TNFSF4: variants seen among roughly 807,000 people sequenced by gnomAD.
The protein encoded by TNFSF4 is tumor necrosis factor ligand superfamily member 4.
A neutral mutation model predicts 7.3 loss-of-function variants in TNFSF4; 4 were observed. The ratio of observed to expected loss-of-function variants is 0.55; its 90% CI spans 0.27 to 1.25. TNFSF4 has a LOEUF of 1.25. TNFSF4 is among the 50% of genes most tolerant of loss of function. The pLI is 0.12. For missense variants in TNFSF4, 181 were observed against 208.8 expected (o/e 0.87, Z 0.82); for synonymous variants, 76 against 83.7 (o/e 0.91, Z 0.50).
At chr1:173,219,148 T>A in the TNFSF4 span, among the ~76,000 whole-genome samples, 2 of 152,334 alleles carry the variant, frequency 1.3e-5, no homozygotes, top group South Asian at 2.1e-4. Context: ...TGATACAGCA[T>A]CTCCTTGCTA....
chr1:173,336,636 C>G, the TNFSF4 span, among the ~76,000 whole-genome samples: 1 of 152,176 alleles, frequency 6.6e-6, no homozygotes, highest in Non-Finnish European at 1.5e-5. Context: ...GATTGCTTTT[C>G]CCTTCCACAG....
chr1:173,295,128 C>T, the TNFSF4 span, among the ~76,000 whole-genome samples: 149,788 of 152,068 alleles, frequency 0.99, 73,792 homozygotes, highest in East Asian at 1. Context: ...AACTCTCATA[C>T]ACTGCTGGTG....
the TNFSF4 span, among the ~76,000 whole-genome samples, chr1:173,334,685 C>T: frequency 6.6e-6 from 1 of 152,106 alleles, no homozygotes; most frequent in Non-Finnish European, 1.5e-5. Context: ...GGACACTAGG[C>T]CCCTAAACTG....
At chr1:173,356,306 C>T in the TNFSF4 span, among the ~76,000 whole-genome samples, 1 of 152,074 alleles carries the variant, frequency 6.6e-6, no homozygotes, top group Non-Finnish European at 1.5e-5. Flanking sequence ...CTCAAAATTC[C>T]ATTTTGATGA....
the TNFSF4 span, among the ~76,000 whole-genome samples, chr1:173,410,193 G>A: frequency 6.6e-6 from 1 of 152,060 alleles, no homozygotes; most frequent in Non-Finnish European, 1.5e-5. Flanking sequence ...TCCAGCCTGG[G>A]TGACAGAGTG....
chr1:173,225,260 C>A, the TNFSF4 span, among the ~76,000 whole-genome samples: 7 of 152,204 alleles, frequency 4.6e-5, no homozygotes, highest in Non-Finnish European at 8.8e-5. Flanking sequence ...GTCACACTTT[C>A]TCACTCATCC....
the TNFSF4 span, among the ~76,000 whole-genome samples, chr1:173,339,763 C>T: frequency 2.6e-5 from 4 of 152,200 alleles, no homozygotes; most frequent in African/African-American, 9.6e-5. Flanking sequence ...TTTTGTTGTA[C>T]ATAGGATAGT....
the TNFSF4 span, among the ~76,000 whole-genome samples, chr1:173,377,150 G>A: frequency 0.1 from 15,743 of 152,160 alleles, 1,301 homozygotes; most frequent in South Asian, 0.24. Flanking sequence ...AGAACCCACC[G>A]GAAGGAACCA....
chr1:173,210,999 G>A (rs1235440706), upstream of TNFSF4, among the ~76,000 whole-genome samples: 3 of 152,182 alleles, frequency 2.0e-5, no homozygotes, highest in African/African-American at 7.2e-5. Flanking sequence ...TTATAAACCC[G>A]CAGGGGGTGC....
chr1:173,353,810 T>A, the TNFSF4 span, among the ~76,000 whole-genome samples: 134 of 152,354 alleles, frequency 8.8e-4, no homozygotes, highest in African/African-American at 3.1e-3. Context: ...TATGCATTTA[T>A]AAGCATTCTG....
the TNFSF4 span, among the ~76,000 whole-genome samples, chr1:173,419,022 G>A: frequency 1.3e-5 from 2 of 152,208 alleles, no homozygotes; most frequent in Non-Finnish European, 2.9e-5. Context: ...CCCCACGGTG[G>A]GGCTGGTGGC....
chr1:173,218,664 T>C, the TNFSF4 span, among the ~76,000 whole-genome samples: 1 of 152,182 alleles, frequency 6.6e-6, no homozygotes, highest in Non-Finnish European at 1.5e-5. Context: ...CTATAATGTG[T>C]AAAATGTGGC....
chr1:173,194,968 C>T (rs1361226702), intron 1 of TNFSF4, among the ~76,000 whole-genome samples: 2 of 151,616 alleles, frequency 1.3e-5, no homozygotes, highest in Non-Finnish European at 2.9e-5. Flanking sequence ...TGTATTATCC[C>T]ATTTGCTGCT....
At chr1:173,202,069 AT>A (rs1381640143) in intron 1 of TNFSF4, among the ~76,000 whole-genome samples, 5 of 142,280 alleles carry the variant, frequency 3.5e-5, no homozygotes, top group African/African-American at 1.3e-4. Flanking sequence ...ATATATATAT[AT>A]ACACACACAC....
the TNFSF4 span, among the ~76,000 whole-genome samples, chr1:173,261,881 CA>C: frequency 8.5e-5 from 13 of 152,168 alleles, no homozygotes; most frequent in African/African-American, 3.1e-4. Context: ...GACAGATTTA[CA>C]GCTGAATTCT....
At chr1:173,330,302 A>ATAT in the TNFSF4 span, among the ~76,000 whole-genome samples, 4 of 63,858 alleles carry the variant, frequency 6.3e-5, no homozygotes, top group African/African-American at 2.1e-4. Flanking sequence ...TTAATACTAA[A>ATAT]TATTAATTGA....
At chr1:173,205,383 T>C in intron 1 of TNFSF4, 1 of 1,609,752 alleles carries the variant, frequency 6.2e-7, no homozygotes, top group Admixed American at 1.7e-5. Flanking sequence ...CCAGAGTTGC[T>C]GGATGACTTG....
At chr1:173,346,797 G>A in the TNFSF4 span, among the ~76,000 whole-genome samples, 1 of 151,966 alleles carries the variant, frequency 6.6e-6, no homozygotes, top group Non-Finnish European at 1.5e-5. Flanking sequence ...GAAAAAGAAA[G>A]CCATTATATT....
At chr1:173,266,441 G>T in the TNFSF4 span, among the ~76,000 whole-genome samples, 1 of 152,080 alleles carries the variant, frequency 6.6e-6, no homozygotes, top group East Asian at 1.9e-4. Flanking sequence ...TGCTTTTCTG[G>T]CTTCTAAAAT....
Sources: gnomAD v4.1 joint callset for allele counts (sites outside exome capture counted in the v4.1 genomes callset) on GRCh38, gnomAD v4.1.1 for gene constraint, MANE v1.5 for transcripts, NCBI Gene and HGNC (gene_info 2026-07-23, HGNC 2026-07-21) for gene names.